The following GULP1 variants were observed in gnomAD, a reference collection of about 807,000 sequenced individuals.
GULP1 encodes the protein PTB domain-containing engulfment adapter protein 1.
GULP1 carries 19 observed loss-of-function variants against 40.9 expected under a neutral mutation model. That is an observed-to-expected ratio of 0.46 (90% CI 0.32 to 0.68). The LOEUF (loss-of-function observed/expected upper bound fraction) is 0.68, where lower values mean the gene tolerates loss of function less well. Among genes scored for constraint, GULP1 ranks in the 30% least tolerant of loss-of-function variants. The pLI, the probability that GULP1 is intolerant of heterozygous loss-of-function variation, is 0.03. For missense variants in GULP1, 312 were observed against 362.2 expected (o/e 0.86, Z 1.12); for synonymous variants, 119 against 117.6 (o/e 1.01, Z -0.08).
At position 188,584,312 on chromosome 2, in the gene GULP1, G is replaced by A. The variant is rs1245961051; in HGVS notation, c.657G>A (p.Met219Ile). 6.2e-7 allele frequency: 1 copy of A among 1,608,042 alleles called. No individual in the cohort carries two copies. Among genetic ancestry groups the A allele is most frequent in the South Asian group, 1.1e-5 (1 of 90,874 alleles). ...CGCCCTCCACTGACATCTTTGATAT[G>A]ATTCCATTTTCTCCAATATCACACC... ...PKSPSTDIFD[M>I]IPFSPISHQS... Residue 219 changes from methionine (M) to isoleucine (I), a missense_variant, in exon 10 of 12, where the codon ATG (methionine) becomes ATA (isoleucine). Coordinates refer to ENST00000409830, the MANE Select transcript of GULP1 (RefSeq NM_016315.4).
At chr2:188,530,431 A>C (rs919980143) in intron 6 of GULP1, among the ~76,000 whole-genome samples, 3 of 152,182 alleles carry the variant, frequency 2.0e-5, no homozygotes, top group African/African-American at 7.2e-5. Flanking sequence ...TTTTGGACTA[A>C]AGTGTTTCCT....
At chr2:188,341,980 A>G (rs185039333) in intron 1 of GULP1, among the ~76,000 whole-genome samples, 2 of 152,270 alleles carry the variant, frequency 1.3e-5, no homozygotes, top group African/African-American at 4.8e-5. Context: ...ACCTCTTTCT[A>G]TACACTCCTT....
intron 2 of GULP1, among the ~76,000 whole-genome samples, chr2:188,472,650 A>G (rs1338726442): frequency 6.6e-6 from 1 of 152,000 alleles, no homozygotes; most frequent in African/African-American, 2.4e-5. Flanking sequence ...AATTATTTCA[A>G]TCTCTTTCTT....
At chr2:188,511,465 T>C (rs2064532641) in intron 4 of GULP1, among the ~76,000 whole-genome samples, 2 of 152,310 alleles carry the variant, frequency 1.3e-5, no homozygotes, top group South Asian at 4.1e-4. Context: ...ATAACACTTC[T>C]GTTGATAGCA....
chr2:188,323,179 T>C (rs2040248971), intron 1 of GULP1, among the ~76,000 whole-genome samples: 1 of 152,030 alleles, frequency 6.6e-6, no homozygotes, highest in Admixed American at 6.6e-5. Flanking sequence ...GCTGCTTGGG[T>C]TCTCTTTTAA....
chr2:188,361,237 G>A (rs1046899076), intron 1 of GULP1, among the ~76,000 whole-genome samples: 2 of 151,944 alleles, frequency 1.3e-5, no homozygotes, highest in Admixed American at 6.6e-5. Context: ...TTCAAGAAAC[G>A]CTGATGCCTG....
chr2:188,351,401 CTG>C (rs2044425803), intron 1 of GULP1, among the ~76,000 whole-genome samples: 2 of 152,054 alleles, frequency 1.3e-5, no homozygotes, highest in South Asian at 4.1e-4. Context: ...ACTTCAAACC[CTG>C]TGTTTATACC....
intron 4 of GULP1, among the ~76,000 whole-genome samples, chr2:188,493,394 A>G (rs1350031454): frequency 1.3e-5 from 2 of 151,964 alleles, no homozygotes; most frequent in African/African-American, 2.4e-5. Context: ...CATTTTAGTT[A>G]TATAATTGAT....
At chr2:188,314,347 A>G (rs113695421) in intron 1 of GULP1, among the ~76,000 whole-genome samples, 1 of 152,220 alleles carries the variant, frequency 6.6e-6, no homozygotes, top group African/African-American at 2.4e-5. Flanking sequence ...CTCCTGTGCA[A>G]ATTTTTTCTT....
chr2:188,502,981 CAATAAAA>C (rs2063571059), intron 4 of GULP1, among the ~76,000 whole-genome samples: 1 of 139,682 alleles, frequency 7.2e-6, no homozygotes, highest in Non-Finnish European at 1.5e-5. Flanking sequence ...GACAGATGGG[CAATAAAA>C]GGTCTAGCTA....
In GULP1 at chr2:188,291,987, G is replaced by GGGAGGGGACCGAAGCT. The variant is rs2033870091; in HGVS notation, c.-344_-329dup. On this transcript the variant is annotated 5_prime_UTR_variant, in exon 1 of 12. Transcript: ENST00000409830. ...AGGGAGGGGGGAGAGAGCGCGAAGAGGGAGGGGACCGAAGCTGGAGGGTCC... is the reference window on the plus strand; with the variant it reads ...AGGGAGGGGGGAGAGAGCGCGAAGAGGGAGGGGACCGAAGCTGGAGGGGACCGAAGCTGGAGGGTCC... 6.6e-6 allele frequency: 1 copy of GGGAGGGGACCGAAGCT among 152,242 alleles called. No homozygotes were observed. Among genetic ancestry groups the GGGAGGGGACCGAAGCT allele is most frequent in the Non-Finnish European group, 1.5e-5 (1 of 68,138 alleles). The allele number at this position is 152,242 out of a possible 1,614,324, so 9.4% of individuals were successfully genotyped here.
intron 2 of GULP1, among the ~76,000 whole-genome samples, chr2:188,413,404 A>G (rs1420161059): frequency 6.6e-6 from 1 of 152,122 alleles, no homozygotes. Context: ...ATGGTATCTC[A>G]TTGTGGTTTT....
intron 1 of GULP1, among the ~76,000 whole-genome samples, chr2:188,369,599 C>T (rs891404559): frequency 1.2e-4 from 18 of 151,936 alleles, no homozygotes; most frequent in African/African-American, 4.4e-4. Flanking sequence ...ATGACAGCTC[C>T]CTCTGTCATA....
At chr2:188,399,997 A>G (rs1401213973) in intron 2 of GULP1, among the ~76,000 whole-genome samples, 5 of 152,196 alleles carry the variant, frequency 3.3e-5, no homozygotes, top group Non-Finnish European at 7.3e-5. Context: ...ATATTGCAAT[A>G]AGTCTAAGAT....
intron 5 of GULP1, among the ~76,000 whole-genome samples, chr2:188,527,716 G>C (rs954848907): frequency 6.6e-6 from 1 of 152,042 alleles, no homozygotes; most frequent in Non-Finnish European, 1.5e-5. Context: ...TAAAACAAAT[G>C]GTACCCCCTG....
intron 2 of GULP1, among the ~76,000 whole-genome samples, chr2:188,455,341 C>T (rs887128177): frequency 1.3e-5 from 2 of 151,958 alleles, no homozygotes; most frequent in African/African-American, 4.8e-5. Flanking sequence ...GTGGCTGTGT[C>T]CCCACCCAAA....
Position 188,541,297 on chromosome 2 carries a change from T to A in GULP1, c.378T>A (p.Tyr126Ter). ...KDSESNKHLC[Y>*]VFDSEKCAEE... ...CTGAGTCAAATAAACATTTGTGCTA[T>A]GTATTTGACAGCGAAAAGTGTGTAA... Residue 126 changes from tyrosine (Y) to a stop codon, truncating the protein, a stop_gained, in exon 7 of 12, where the codon TAT becomes TAA. Coordinates refer to ENST00000409830, the MANE Select transcript of GULP1 (RefSeq NM_016315.4). LOFTEE classifies it high-confidence loss of function. 1 of 1,613,288 alleles carries A rather than the reference T, an allele frequency of 6.2e-7. No individual in the cohort carries two copies. The highest frequency in any genetic ancestry group is 8.5e-7 in the Non-Finnish European group (1 of 1,179,318).
At chr2:188,569,151 G>A in intron 7 of GULP1, 88 bp from the exon 8 acceptor site, 1 of 746,152 alleles carries the variant, frequency 1.3e-6, no homozygotes, top group Non-Finnish European at 2.4e-6. Flanking sequence ...ATGTCTTGGA[G>A]TAAGTGCTTA....
At chr2:188,319,204 A>G in intron 1 of GULP1, among the ~76,000 whole-genome samples, 1 of 152,192 alleles carries the variant, frequency 6.6e-6, no homozygotes, top group Middle Eastern at 3.2e-3. Context: ...CTTTTGGGAA[A>G]GCTTATTCTT....
Sources: gnomAD v4.1 joint callset for allele counts (sites outside exome capture counted in the v4.1 genomes callset) on GRCh38, gnomAD v4.1.1 for gene constraint, MANE v1.5 for transcripts, NCBI Gene and HGNC (gene_info 2026-07-23, HGNC 2026-07-21) for gene names.